Variants in EML4 observed in about 807,000 individuals in gnomAD.
EML4 encodes echinoderm microtubule-associated protein-like 4.
Under a neutral mutation model 129.0 loss-of-function variants are expected in EML4, and 72 were observed. The ratio of observed to expected loss-of-function variants is 0.56; its 90% CI spans 0.46 to 0.68. The LOEUF is 0.68. EML4 is among the 30% of genes least tolerant of loss of function. The pLI, the probability that EML4 is intolerant of heterozygous loss-of-function variation, is 0.00. For synonymous variants in EML4, 532 were observed against 405.0 expected, an observed-to-expected ratio of 1.31 and a Z score of -3.77; for missense variants, 1,363 against 1,190.6, an observed-to-expected ratio of 1.14 and a Z score of -2.13.
intron 2 of EML4, among the ~76,000 whole-genome samples, chr2:42,249,437 T>C (rs960951134): frequency 6.6e-6 from 1 of 152,128 alleles, no homozygotes; most frequent in Admixed American, 6.6e-5. Flanking sequence ...TGTGGATAAA[T>C]AGGGTAGAAT....
At chr2:42,199,559 G>T (rs1027844639) in intron 1 of EML4, among the ~76,000 whole-genome samples, 1 of 152,164 alleles carries the variant, frequency 6.6e-6, no homozygotes, top group Non-Finnish European at 1.5e-5. Context: ...CCTGTTTTCT[G>T]TTGAGAGGTA....
chr2:42,230,459 TAC>T (rs1448703838), intron 1 of EML4, among the ~76,000 whole-genome samples: 3 of 152,172 alleles, frequency 2.0e-5, no homozygotes, highest in African/African-American at 7.2e-5. Flanking sequence ...CAGGCTAGAG[TAC>T]AGTGTTGCAA....
chr2:42,269,335 T>C (rs1666241974), intron 6 of EML4, among the ~76,000 whole-genome samples: 1 of 152,230 alleles, frequency 6.6e-6, no homozygotes, highest in Admixed American at 6.5e-5. Flanking sequence ...TCTAACAGGT[T>C]ACAGTTCTGA....
In EML4 at chr2:42,330,198, C is replaced by T; in HGVS notation, c.2937C>T (p.Pro979=). 1 of 1,612,848 alleles carries T rather than the reference C, an allele frequency of 6.2e-7. No homozygotes were observed. The highest frequency in any genetic ancestry group is 1.7e-5 in the Admixed American group (1 of 59,770). The part of the protein sequence containing the change: ...TLLEDQQDPS[P]SS The stretch of plus-strand genomic sequence containing the variant: ...TGGAGGACCAGCAAGACCCTTCGCC[C>T]TCGTCCTAACACCCTGGCTTCAGTG... Residue 979 remains proline (P), a synonymous_variant, in exon 23 of 23, where the codon CCC becomes CCT. Coordinates refer to ENST00000318522, the MANE Select transcript of EML4 (RefSeq NM_019063.5).
At chr2:42,242,635 C>G (rs1675110182) in intron 1 of EML4, among the ~76,000 whole-genome samples, 1 of 152,060 alleles carries the variant, frequency 6.6e-6, no homozygotes, top group Admixed American at 6.6e-5. Flanking sequence ...GCCATATTAA[C>G]TAACTCACTT....
intron 11 of EML4, among the ~76,000 whole-genome samples, chr2:42,294,591 GAGGCTA>G (rs1464506724): frequency 6.6e-6 from 1 of 152,100 alleles, no homozygotes; most frequent in Non-Finnish European, 1.5e-5. Flanking sequence ...AGCTACTGGG[GAGGCTA>G]AGGCAGGAGA....
At chr2:42,203,725 A>G (rs944982996) in intron 1 of EML4, among the ~76,000 whole-genome samples, 2 of 151,780 alleles carry the variant, frequency 1.3e-5, no homozygotes, top group East Asian at 3.9e-4. Context: ...GAAAAAAAAA[A>G]CAGAGAGGAT....
intron 1 of EML4, chr2:42,169,855 C>CGGA (rs1421246043): frequency 4.5e-6 from 2 of 448,746 alleles, no homozygotes; most frequent in Non-Finnish European, 7.7e-6. Context: ...CCTTTCCTCC[C>CGGA]GGAGCCCCTT....
intron 11 of EML4, chr2:42,290,051 C>T (rs899263203): frequency 2.6e-5 from 4 of 152,078 alleles, no homozygotes; most frequent in Non-Finnish European, 5.9e-5. Flanking sequence ...CACGCCATTG[C>T]ACTCCAGCCT....
chr2:42,301,563 A>G (rs1325521794), intron 14 of EML4, among the ~76,000 whole-genome samples, 171 bp downstream of exon 14: 2 of 152,116 alleles, frequency 1.3e-5, no homozygotes, highest in Non-Finnish European at 2.9e-5. Flanking sequence ...TTTTCAAAAA[A>G]AAAAGACCAT....
intron 1 of EML4, among the ~76,000 whole-genome samples, chr2:42,192,933 C>T (rs967425531): frequency 6.6e-6 from 1 of 152,106 alleles, no homozygotes; most frequent in Admixed American, 6.5e-5. Context: ...ACTCAACAGT[C>T]ATGAAACTGC....
intron 17 of EML4, among the ~76,000 whole-genome samples, chr2:42,310,859 T>G (rs1396238621): frequency 6.6e-6 from 1 of 152,190 alleles, no homozygotes; most frequent in African/African-American, 2.4e-5. Context: ...ATAGAGACTC[T>G]GAGCCCAAAA....
At chr2:42,309,887 G>T (rs890978847) in intron 17 of EML4, among the ~76,000 whole-genome samples, 2 of 152,156 alleles carry the variant, frequency 1.3e-5, no homozygotes. Context: ...ATGTAGTTTA[G>T]TTTATCTGTT....
chr2:42,243,196 A>G (rs1675155410), intron 1 of EML4, among the ~76,000 whole-genome samples: 1 of 152,210 alleles, frequency 6.6e-6, no homozygotes. Context: ...TACTAGGACC[A>G]AGAAATATGG....
At chr2:42,235,765 A>G (rs777781763) in intron 1 of EML4, among the ~76,000 whole-genome samples, 75 of 152,010 alleles carry the variant, frequency 4.9e-4, no homozygotes, top group Non-Finnish European at 7.9e-4. Flanking sequence ...GAGTCATACT[A>G]TTAGGCCTCA....
chr2:42,323,022 A>G (rs77197274), intron 19 of EML4, among the ~76,000 whole-genome samples: 3,610 of 140,430 alleles, frequency 0.026, 131 homozygotes, highest in African/African-American at 0.084. Context: ...TGTGTCCAAC[A>G]TAGATGTTTT....
chr2:42,276,324 A>G (rs1461521728), intron 6 of EML4, among the ~76,000 whole-genome samples: 1 of 152,282 alleles, frequency 6.6e-6, no homozygotes, highest in Admixed American at 6.5e-5. Context: ...CACTAGGTCC[A>G]CATTCTTCAT....
At position 42,280,821 on chromosome 2, in the gene EML4, GACTTA is replaced by G. The variant is rs569899355; in HGVS notation, c.668-24_668-20del. 330 of 1,574,428 alleles carry G rather than the reference GACTTA, an allele frequency of 2.1e-4. 2 individuals are homozygous for G. The African/African-American group carries it at 3.7e-3, about 18-fold the overall frequency. On this transcript the variant is annotated intron_variant, in intron 6 of 22. Transcript: ENST00000318522. ...GTATGACTATACAGAAAATACGTAT[GACTTA>G]ACTTTTGTCTTGTGTTTCAACAGAA...
At chr2:42,216,230 C>CCTTTTTTTTTTTTTT (rs1673177607) in intron 1 of EML4, among the ~76,000 whole-genome samples, 1 of 43,356 alleles carries the variant, frequency 2.3e-5, no homozygotes, top group African/African-American at 1.3e-4. Context: ...CGGCCCACTT[C>CCTTTTTTTTTTTTTT]TTTTTTTTTT....
Sources: allele counts gnomAD v4.1 joint callset (sites outside exome capture counted in the v4.1 genomes callset), GRCh38; gene constraint gnomAD v4.1.1; transcripts MANE v1.5; gene names NCBI Gene and HGNC (gene_info 2026-07-23, HGNC 2026-07-21).